KIF27: variants seen among roughly 807,000 people sequenced by gnomAD.
KIF27 encodes kinesin-like protein KIF27.
KIF27 carries 84 observed loss-of-function variants against 141.8 expected under a neutral mutation model. The observed-to-expected ratio is 0.59, with a 90% CI of 0.50 to 0.71. KIF27 has a LOEUF of 0.71. KIF27 is among the 30% of genes least tolerant of loss of function. The probability of loss-of-function intolerance (pLI) is 0.00; values close to 1 mark genes in which losing one functional copy is unlikely to be tolerated. For missense variants in KIF27, 1,306 were observed against 1,628.4 expected (o/e 0.80, Z 3.41); for synonymous variants, 471 against 569.5 (o/e 0.83, Z 2.46).
intron 9 of KIF27, 59 bp downstream of exon 9, chr9:83,886,982 C>A: frequency 1.4e-6 from 2 of 1,461,840 alleles, no homozygotes; most frequent in East Asian, 2.6e-5. Flanking sequence ...GTTACCACAT[C>A]AGAAGCAATT....
At position 83,888,591 on chromosome 9, in the gene KIF27, A is replaced by T. The variant is rs1363012307; in HGVS notation, c.1981T>A (p.Cys661Ser). Residue 661 changes from cysteine (C) to serine (S), a missense_variant and splice_region_variant, in exon 8 of 18, where the codon TGT becomes AGT. By Grantham distance (112) the Cys-to-Ser change is moderately radical. This residue lies in a region of KIF27 where 596 missense variants were observed against 751.6 expected (regional missense o/e 0.79). Transcript: ENST00000297814. ...SEGQEKSGTRCRSRSWIQKPD... is the reference protein window; with the variant it reads ...SEGQEKSGTRSRSRSWIQKPD... ...TTCTGAATCCATGAACGACTTCTAC[A>T]TCTTAAAAAAAAATCAGAAAGTTAA... 1.9e-6 allele frequency: 3 copies of T among 1,549,256 alleles called. No homozygotes were observed. In the Admixed American group the frequency reaches 5.6e-5, roughly 29 times the overall value.
chr9:83,882,860 C>A (rs1022967684), intron 10 of KIF27, among the ~76,000 whole-genome samples: 9 of 152,110 alleles, frequency 5.9e-5, no homozygotes, highest in Non-Finnish European at 1.3e-4. Context: ...ATATTCAAGT[C>A]ATATTATTTT....
chr9:83,904,168 T>C, intron 3 of KIF27, 150 bp from the exon 4 acceptor site: 1 of 560,282 alleles, frequency 1.8e-6, no homozygotes, highest in East Asian at 2.9e-5. Flanking sequence ...ATCAGCAACA[T>C]CATCAAATAA....
intron 6 of KIF27, among the ~76,000 whole-genome samples, chr9:83,890,603 T>A (rs576506722): frequency 6.6e-6 from 1 of 152,356 alleles, no homozygotes; most frequent in South Asian, 2.1e-4. Context: ...GGCTGCCTGA[T>A]GCAAAGTCCA....
At chr9:83,900,921 A>T (rs1449562083) in intron 4 of KIF27, among the ~76,000 whole-genome samples, 1 of 152,014 alleles carries the variant, frequency 6.6e-6, no homozygotes, top group Non-Finnish European at 1.5e-5. Context: ...AAAAAGATTT[A>T]AAAAGTATTA....
At position 83,903,611 on chromosome 9, in the gene KIF27, T is replaced by C; in HGVS notation, c.907A>G (p.Lys303Glu). Residue 303 changes from lysine (K) to glutamate (E), a missense_variant, in exon 4 of 18, where the codon AAA (lysine) becomes GAA (glutamate). Physicochemically the swap from Lys to Glu is moderately conservative, Grantham distance 56. Transcript: ENST00000297814. ...YRDAKITRLLKDSLGGSAKTV... is the reference protein window; with the variant it reads ...YRDAKITRLLEDSLGGSAKTV... ...TTAGCACTGCCTCCCAGAGAATCTT[T>C]CAGAAGCCGGGTAATTTTAGCATCC... 1 of 1,614,146 alleles carries C rather than the reference T, an allele frequency of 6.2e-7. No homozygotes were observed. Among genetic ancestry groups the C allele is most frequent in the Non-Finnish European group, 8.5e-7 (1 of 1,180,014 alleles).
chr9:83,873,411 A>G (rs1950954561), intron 11 of KIF27, among the ~76,000 whole-genome samples: 1 of 152,220 alleles, frequency 6.6e-6, no homozygotes, highest in Non-Finnish European at 1.5e-5. Flanking sequence ...AGAAGTATTT[A>G]AAGGAAGTGT....
At chr9:83,909,370 G>A (rs1371541032) in intron 2 of KIF27, among the ~76,000 whole-genome samples, 1 of 152,186 alleles carries the variant, frequency 6.6e-6, no homozygotes, top group Non-Finnish European at 1.5e-5. Flanking sequence ...CAGACTTTGG[G>A]AGGCTAAGGC....
In KIF27 at chr9:83,903,823, G is replaced by A. The variant is rs1198185761; in HGVS notation, c.695C>T (p.Ser232Phe). The change falls in exon 4 of 18, where the codon TCC (serine) becomes TTC (phenylalanine). Residue 232 changes from serine to phenylalanine, a missense_variant. By Grantham distance (155) the Ser-to-Phe change is radical. Around this residue, in one of 4 missense-constraint regions of KIF27, gnomAD observed 533 missense variants for 565.6 expected, o/e 0.94. Coordinates refer to ENST00000297814, the MANE Select transcript of KIF27 (RefSeq NM_017576.4). ...GAACTTTGAGACAATATGCCGAGGG[G>A]AATACCATGATCCATCTTCAGCTGC... ...MEAAEDGSWYSPRHIVSKFHF... is the reference protein window; with the variant it reads ...MEAAEDGSWYFPRHIVSKFHF... 2.3e-5 allele frequency: 37 copies of A among 1,613,996 alleles called. No homozygotes were observed. The highest frequency in any genetic ancestry group is 3.0e-5 in the Non-Finnish European group (35 of 1,180,036).
intron 4 of KIF27, among the ~76,000 whole-genome samples, chr9:83,902,055 A>G (rs763574000): frequency 7.2e-5 from 11 of 152,234 alleles, no homozygotes; most frequent in Non-Finnish European, 1.5e-4. Flanking sequence ...TCTCGCTTTA[A>G]AAGTGTAAAG....
intron 4 of KIF27, among the ~76,000 whole-genome samples, chr9:83,902,787 A>T (rs1407761068): frequency 6.6e-6 from 1 of 152,192 alleles, no homozygotes; most frequent in Non-Finnish European, 1.5e-5. Flanking sequence ...GGAGCCAAGA[A>T]GGGTATGAAT....
At chr9:83,850,553 G>C (rs1948433657) in intron 15 of KIF27, among the ~76,000 whole-genome samples, 2 of 152,018 alleles carry the variant, frequency 1.3e-5, no homozygotes, top group Non-Finnish European at 2.9e-5. Flanking sequence ...GCTGAGGTGG[G>C]GGGGATCGCT....
chr9:83,908,997 T>C (rs956398467), intron 2 of KIF27, among the ~76,000 whole-genome samples: 2 of 152,148 alleles, frequency 1.3e-5, no homozygotes, highest in African/African-American at 4.8e-5. Flanking sequence ...AAGAATTTAT[T>C]CATGTATTCA....
intron 17 of KIF27, among the ~76,000 whole-genome samples, chr9:83,839,721 G>A (rs1946339151): frequency 6.6e-6 from 1 of 152,212 alleles, no homozygotes; most frequent in Admixed American, 6.5e-5. Flanking sequence ...GGGAGGCCAA[G>A]GCTGGTGGAT....
chr9:83,838,573 C>T (rs572061609), intron 17 of KIF27, among the ~76,000 whole-genome samples: 1 of 152,212 alleles, frequency 6.6e-6, no homozygotes, highest in African/African-American at 2.4e-5. Context: ...ACAGGTTGCA[C>T]ATTGGCAGCT....
chr9:83,920,412 T>A (rs1956137372), intron 1 of KIF27, among the ~76,000 whole-genome samples: 1 of 152,232 alleles, frequency 6.6e-6, no homozygotes, highest in African/African-American at 2.4e-5. Context: ...ATTGGTCGTA[T>A]TTAAGTATAC....
intron 9 of KIF27, among the ~76,000 whole-genome samples, chr9:83,884,683 C>T (rs533300699): frequency 1.3e-5 from 2 of 152,266 alleles, no homozygotes; most frequent in East Asian, 3.9e-4. Context: ...CATTATCACA[C>T]TAACAATATT....
At chr9:83,861,366 T>TCC (rs1279172554) in intron 13 of KIF27, among the ~76,000 whole-genome samples, 7 of 151,782 alleles carry the variant, frequency 4.6e-5, no homozygotes, top group Non-Finnish European at 2.9e-5. Flanking sequence ...TGTGTGATGT[T>TCC]CCCCTTCCTG....
At chr9:83,895,214 A>T (rs558559543) in intron 5 of KIF27, among the ~76,000 whole-genome samples, 3 of 150,554 alleles carry the variant, frequency 2.0e-5, no homozygotes, top group African/African-American at 7.3e-5. Flanking sequence ...GTGAGCCGAG[A>T]TCACACCACT....
Sources: gnomAD v4.1 joint callset for allele counts (sites outside exome capture counted in the v4.1 genomes callset) on GRCh38, gnomAD v4.1.1 for gene constraint, gnomAD v4.1.1 regional missense constraint, MANE v1.5 for transcripts, NCBI Gene and HGNC (gene_info 2026-07-23, HGNC 2026-07-21) for gene names.